The following TANC1 variants were observed in gnomAD, a reference collection of about 807,000 sequenced individuals.
TANC1 encodes the protein protein TANC1.
A neutral mutation model predicts 149.7 loss-of-function variants in TANC1; 77 were observed. The observed-to-expected ratio is 0.51, with a 90% CI of 0.43 to 0.62. TANC1 has a LOEUF of 0.62. TANC1 is among the 20% of genes least tolerant of loss of function. TANC1 has a pLI of 0.00. For missense variants in TANC1, 1,985 were observed against 2,321.8 expected, an observed-to-expected ratio of 0.85 and a Z score of 2.98; for synonymous variants, 854 against 925.0, an observed-to-expected ratio of 0.92 and a Z score of 1.39.
At chr2:159,015,427 G>A (rs948339515) in intron 2 of TANC1, among the ~76,000 whole-genome samples, 1 of 152,218 alleles carries the variant, frequency 6.6e-6, no homozygotes, top group Non-Finnish European at 1.5e-5. Flanking sequence ...CTCTGGGCCT[G>A]TGATGGGAGG....
At chr2:159,052,736 C>T (rs994085861) in intron 2 of TANC1, among the ~76,000 whole-genome samples, 1 of 152,184 alleles carries the variant, frequency 6.6e-6, no homozygotes. Context: ...GGCAACCAAC[C>T]ATGTAAGATC....
intron 18 of TANC1, 45 bp downstream of exon 18, chr2:159,196,838 GC>G: frequency 6.4e-7 from 1 of 1,550,736 alleles, no homozygotes. Context: ...AGAAGCTGTA[GC>G]CCAGCAAGTC....
At chr2:159,154,636 TCTG>T (rs143661341) in intron 7 of TANC1, among the ~76,000 whole-genome samples, 1,618 of 152,346 alleles carry the variant, frequency 0.011, 29 homozygotes, top group African/African-American at 0.036. Context: ...TCCAAGTTCT[TCTG>T]ACATAAATGT....
rs1317950667 is a variant in TANC1, at chr2:159,025,178, CT to C, written c.-16+23994del. The stretch of plus-strand genomic sequence containing the variant: ...TCTTTCTCTTTTTCTTTCTTTCTTT[CT>C]TTTTCTTTCTTTTCTTTCTTTCTTT... On this transcript the variant is annotated intron_variant, in intron 2 of 26. Transcript: ENST00000263635. Among the ~76,000 whole-genome samples the C allele has an allele frequency of 5.8e-3, 582 of 100,448 alleles. 7 individuals carry two copies. Among genetic ancestry groups the C allele is most frequent in the African/African-American group, 0.015 (449 of 29,580 alleles). 65.9% of individuals were successfully genotyped at this position (100,448 alleles called of 152,430 possible). A position where few individuals can be genotyped will look rare whatever the true frequency, so the allele number is the denominator to read the frequency against.
At chr2:159,047,089 T>C (rs1481589497) in intron 2 of TANC1, among the ~76,000 whole-genome samples, 1 of 152,024 alleles carries the variant, frequency 6.6e-6, no homozygotes, top group Non-Finnish European at 1.5e-5. Context: ...ACCCCCCAGG[T>C]CTCTCTGAAT....
intron 3 of TANC1, among the ~76,000 whole-genome samples, chr2:159,073,743 T>C (rs2149741004): frequency 6.6e-6 from 1 of 152,346 alleles, no homozygotes; most frequent in East Asian, 1.9e-4. Context: ...AAGTTTCATC[T>C]TTGCTTTTCC....
intron 5 of TANC1, among the ~76,000 whole-genome samples, chr2:159,141,055 T>G (rs2051317385): frequency 6.6e-6 from 1 of 152,174 alleles, no homozygotes; most frequent in South Asian, 2.1e-4. Context: ...TTACCTGTTG[T>G]CTTAGTTCAG....
intron 2 of TANC1, among the ~76,000 whole-genome samples, chr2:159,064,051 T>C (rs1199846673): frequency 1.3e-5 from 2 of 152,216 alleles, no homozygotes; most frequent in Admixed American, 6.5e-5. Flanking sequence ...TTTTCTCTTA[T>C]TTTTTAGGTA....
rs755803794 is a variant in TANC1, at chr2:159,102,712, CTTTTTTTTTTT to C, written c.259+4892_259+4902del. The stretch of plus-strand genomic sequence containing the variant: ...AACATTTCTGATTGTTGGATATTTG[CTTTTTTTTTTT>C]TTTTTTTTTTTTTGAGATGGAGTCT... On this transcript the variant is annotated intron_variant, in intron 4 of 26. Coordinates refer to ENST00000263635, the MANE Select transcript of TANC1 (RefSeq NM_033394.3). 4.1e-4 allele frequency among the ~76,000 whole-genome samples: 11 copies of C among 27,112 alleles called. No homozygotes were observed. In the South Asian group the frequency reaches 5.7e-3, roughly 14 times the overall value. The allele number at this position is 27,112 out of a possible 152,430, so 17.8% of individuals were successfully genotyped here. A position where few individuals can be genotyped will look rare whatever the true frequency, so the allele number is the denominator to read the frequency against.
intron 19 of TANC1, among the ~76,000 whole-genome samples, chr2:159,204,499 C>T (rs1040520902): frequency 7.9e-5 from 12 of 152,212 alleles, no homozygotes; most frequent in Non-Finnish European, 4.4e-5. Context: ...TCCATAACAT[C>T]TCCCTCTCTG....
intron 5 of TANC1, among the ~76,000 whole-genome samples, chr2:159,143,367 G>A (rs957764959): frequency 1.3e-5 from 2 of 151,940 alleles, no homozygotes; most frequent in African/African-American, 2.4e-5. Context: ...TCCATTTACA[G>A]TATAAAACAG....
At chr2:159,102,006 ACTT>A (rs1283115061) in intron 4 of TANC1, among the ~76,000 whole-genome samples, 1 of 152,030 alleles carries the variant, frequency 6.6e-6, no homozygotes, top group African/African-American at 2.4e-5. Context: ...AGTTTTGAAA[ACTT>A]CTCTGCCTGT....
intron 24 of TANC1, chr2:159,227,524 C>A: frequency 2.8e-6 from 1 of 360,090 alleles, no homozygotes; most frequent in Non-Finnish European, 5.0e-6. Flanking sequence ...AGAAGGTAAT[C>A]TGATTCATTA....
intron 3 of TANC1, among the ~76,000 whole-genome samples, chr2:159,094,077 G>A (rs1021097721): frequency 6.6e-6 from 1 of 151,998 alleles, no homozygotes; most frequent in East Asian, 1.9e-4. Context: ...CTTCTTTTGT[G>A]TCCTCATGCA....
At chr2:159,016,139 T>C (rs1477901822) in intron 2 of TANC1, among the ~76,000 whole-genome samples, 1 of 152,210 alleles carries the variant, frequency 6.6e-6, no homozygotes, top group Non-Finnish European at 1.5e-5. Flanking sequence ...AATTGGACTT[T>C]TCCATGTGAC....
At chr2:158,990,215 C>T (rs968757394) in intron 1 of TANC1, among the ~76,000 whole-genome samples, 2 of 152,160 alleles carry the variant, frequency 1.3e-5, no homozygotes, top group African/African-American at 4.8e-5. Context: ...GGATTACAGG[C>T]GTGAGCCACA....
intron 3 of TANC1, among the ~76,000 whole-genome samples, chr2:159,078,199 G>T (rs576447138): frequency 5.7e-4 from 87 of 152,224 alleles, no homozygotes; most frequent in Non-Finnish European, 1.1e-3. Context: ...ATTTATAAAG[G>T]GCTCAAGCCC....
chr2:159,207,284 G>A (rs964738168), intron 19 of TANC1, among the ~76,000 whole-genome samples: 2 of 152,212 alleles, frequency 1.3e-5, no homozygotes, highest in African/African-American at 4.8e-5. Context: ...AGAAATCGCA[G>A]CAGTTCCTCA....
intron 2 of TANC1, among the ~76,000 whole-genome samples, chr2:159,019,570 T>C (rs977761041): frequency 6.6e-6 from 1 of 151,644 alleles, no homozygotes. Context: ...AGTTGGTACT[T>C]CTGGGCAGTT....
Sources: allele counts gnomAD v4.1 joint callset (sites outside exome capture counted in the v4.1 genomes callset), GRCh38; gene constraint gnomAD v4.1.1; transcripts MANE v1.5; gene names NCBI Gene and HGNC (gene_info 2026-07-23, HGNC 2026-07-21).